The following SNCAIP variants were observed in gnomAD, a reference collection of about 807,000 sequenced individuals.
SNCAIP encodes synuclein alpha interacting protein, also known as synphilin-1.
Under a neutral mutation model 86.7 loss-of-function variants are expected in SNCAIP, and 43 were observed. The ratio of observed to expected loss-of-function variants is 0.50; its 90% CI spans 0.39 to 0.64. The LOEUF (loss-of-function observed/expected upper bound fraction) is 0.64. Ranked by LOEUF, SNCAIP falls within the 30% of genes least tolerant of loss-of-function variation. SNCAIP has a pLI of 0.00. For missense variants in SNCAIP, 981 were observed against 1,103.1 expected (o/e 0.89, Z 1.57); for synonymous variants, 417 against 427.2 (o/e 0.98, Z 0.29).
chr5:122,330,586 A>G (rs6879060), intron 1 of SNCAIP, among the ~76,000 whole-genome samples: 41,236 of 152,052 alleles, frequency 0.27, 6,650 homozygotes, highest in African/African-American at 0.46. Context: ...GGAACTTTGC[A>G]TTGTGAGGGT....
chr5:122,331,043 T>C (rs1312939926), intron 1 of SNCAIP, among the ~76,000 whole-genome samples: 9 of 152,120 alleles, frequency 5.9e-5, no homozygotes, highest in Non-Finnish European at 1.3e-4. Flanking sequence ...TATGAGAATC[T>C]AATGCCACTG....
intron 1 of SNCAIP, among the ~76,000 whole-genome samples, chr5:122,355,662 T>C (rs1485003488): frequency 1.3e-5 from 2 of 152,190 alleles, no homozygotes; most frequent in Non-Finnish European, 2.9e-5. Context: ...CCTGATACCA[T>C]GGAATCTCCC....
intron 1 of SNCAIP, among the ~76,000 whole-genome samples, chr5:122,377,547 T>C (rs1254282920): frequency 6.6e-6 from 1 of 152,006 alleles, no homozygotes; most frequent in African/African-American, 2.4e-5. Context: ...ATCAGATATT[T>C]TTTTTATATA....
chr5:122,433,173 G>T (rs1300937249), intron 6 of SNCAIP, among the ~76,000 whole-genome samples: 1 of 150,178 alleles, frequency 6.7e-6, no homozygotes, highest in Non-Finnish European at 1.5e-5. Flanking sequence ...ATAAAAACAT[G>T]TTTTTTATAT....
At chr5:122,449,961 A>G in intron 9 of SNCAIP, 24 bp downstream of exon 9, 1 of 1,465,964 alleles carries the variant, frequency 6.8e-7, no homozygotes, top group Non-Finnish European at 9.6e-7. Context: ...ATTGTTGTTT[A>G]GCATTCTTAA....
chr5:122,345,556 C>T (rs563019297), intron 1 of SNCAIP, among the ~76,000 whole-genome samples: 3 of 152,256 alleles, frequency 2.0e-5, no homozygotes, highest in South Asian at 4.1e-4. Context: ...AGTGCATCAG[C>T]GATGGATCCT....
At chr5:122,430,659 A>T (rs954572499) in intron 5 of SNCAIP, among the ~76,000 whole-genome samples, 1 of 152,030 alleles carries the variant, frequency 6.6e-6, no homozygotes, top group African/African-American at 2.4e-5. Flanking sequence ...TTCTACAGAC[A>T]TGTATGGACT....
intron 1 of SNCAIP, among the ~76,000 whole-genome samples, chr5:122,326,998 G>A (rs1398907649): frequency 6.6e-6 from 1 of 151,206 alleles, no homozygotes; most frequent in African/African-American, 2.4e-5. Context: ...CCTTTCTGGA[G>A]GAGATACTAG....
intron 1 of SNCAIP, among the ~76,000 whole-genome samples, chr5:122,329,572 G>C (rs140190955): frequency 1.3e-5 from 2 of 152,110 alleles, no homozygotes; most frequent in African/African-American, 2.4e-5. Flanking sequence ...TAAATGAAAA[G>C]ACAGCCCAGC....
chr5:122,372,221 C>T (rs1036188254), intron 1 of SNCAIP, among the ~76,000 whole-genome samples: 3 of 152,138 alleles, frequency 2.0e-5, no homozygotes, highest in Admixed American at 6.5e-5. Context: ...TTATTCTAAT[C>T]TGTATTTTTT....
At chr5:122,340,591 A>G (rs1416923467) in intron 1 of SNCAIP, among the ~76,000 whole-genome samples, 2 of 152,206 alleles carry the variant, frequency 1.3e-5, no homozygotes, top group Non-Finnish European at 2.9e-5. Flanking sequence ...GAAGCAAACG[A>G]ATATTTTTCA....
chr5:122,405,791 T>C (rs189847693), intron 3 of SNCAIP, among the ~76,000 whole-genome samples: 2 of 152,238 alleles, frequency 1.3e-5, no homozygotes, highest in Admixed American at 1.3e-4. Context: ...ACAGAAACTT[T>C]TAGTTTTTCC....
chr5:122,348,104 C>G (rs566248518), intron 1 of SNCAIP, among the ~76,000 whole-genome samples: 363 of 152,174 alleles, frequency 2.4e-3, no homozygotes, highest in Middle Eastern at 6.8e-3. Flanking sequence ...TTGGGATTCC[C>G]CCATCCATTA....
chr5:122,456,032 A>C (rs764105559), intron 10 of SNCAIP, among the ~76,000 whole-genome samples: 4 of 152,204 alleles, frequency 2.6e-5, no homozygotes, highest in Non-Finnish European at 5.9e-5. Flanking sequence ...GTTTAAGTCC[A>C]TCTGAGATCT....
rs777339179 is a variant in SNCAIP, at chr5:122,451,178, C to T, written c.2331C>T (p.Asp777=). Residue 777 remains aspartate (D), a synonymous_variant, in exon 10 of 11, where the codon GAC becomes GAT. Coordinates refer to ENST00000261368, the MANE Select transcript of SNCAIP (RefSeq NM_005460.4). The part of the protein sequence containing the change: ...GSIPPNQPSG[D]PQQPSPDSTA... Reference sequence around the variant, plus strand: ...TTCCTCCAAACCAGCCCTCTGGTGACCCTCAGCAGCCCAGCCCTGACAGTA... The same window carrying T: ...TTCCTCCAAACCAGCCCTCTGGTGATCCTCAGCAGCCCAGCCCTGACAGTA... 1.9e-6 allele frequency: 3 copies of T among 1,614,000 alleles called. No homozygotes were observed.
chr5:122,366,275 G>A (rs1019757855), intron 1 of SNCAIP, among the ~76,000 whole-genome samples: 49 of 152,210 alleles, frequency 3.2e-4, no homozygotes, highest in Non-Finnish European at 2.2e-4. Context: ...AGCAAAGCTG[G>A]AATGATGTTC....
chr5:122,313,212 G>A (rs1751001331), intron 1 of SNCAIP, among the ~76,000 whole-genome samples: 2 of 152,246 alleles, frequency 1.3e-5, no homozygotes, highest in African/African-American at 4.8e-5. Flanking sequence ...AATTAAGGAA[G>A]CATTACTGTC....
intron 3 of SNCAIP, among the ~76,000 whole-genome samples, chr5:122,415,197 C>T (rs989834392): frequency 6.6e-6 from 1 of 152,204 alleles, no homozygotes; most frequent in Non-Finnish European, 1.5e-5. Context: ...TTGTATGCCA[C>T]TGCACCTGCC....
chr5:122,357,345 C>T (rs977554615), intron 1 of SNCAIP, among the ~76,000 whole-genome samples: 1 of 152,244 alleles, frequency 6.6e-6, no homozygotes, highest in African/African-American at 2.4e-5. Context: ...AAGCGATTCT[C>T]CTGCCTCAGC....
Sources: allele counts gnomAD v4.1 joint callset (sites outside exome capture counted in the v4.1 genomes callset), GRCh38; gene constraint gnomAD v4.1.1; transcripts MANE v1.5; gene names NCBI Gene and HGNC (gene_info 2026-07-23, HGNC 2026-07-21).